The following LIMK2 variants were observed in gnomAD, a reference collection of about 807,000 sequenced individuals.
LIMK2 encodes LIM domain kinase 2.
A neutral mutation model predicts 75.7 loss-of-function variants in LIMK2; 35 were observed. The ratio of observed to expected loss-of-function variants is 0.46; its 90% CI spans 0.35 to 0.61. The LOEUF is 0.61. LIMK2 is among the 20% of genes least tolerant of loss of function. LIMK2 has a pLI of 0.00. For synonymous variants in LIMK2, 301 were observed against 319.2 expected (o/e 0.94, Z 0.61); for missense variants, 623 against 831.0 (o/e 0.75, Z 3.08).
chr22:31,257,359 C>T (rs930601753), intron 2 of LIMK2, among the ~76,000 whole-genome samples: 2 of 151,858 alleles, frequency 1.3e-5, no homozygotes, highest in African/African-American at 4.8e-5. Context: ...AATGTTATGC[C>T]ACTTTGTATA....
intron 4 of LIMK2, 138 bp from the exon 5 acceptor site, chr22:31,259,751 C>T: frequency 1.4e-6 from 1 of 712,452 alleles, no homozygotes; most frequent in Non-Finnish European, 2.1e-6. Flanking sequence ...TCATTCTGAG[C>T]AGCCAGCTAG....
Position 31,259,971 on chromosome 22 carries a change from T to G in LIMK2, c.445T>G (p.Ser149Ala). Reference protein sequence around the residue: ...TESVQEQLPYSVTLISMPATT... With the variant: ...TESVQEQLPYAVTLISMPATT... ...GTCTGTTCAGGAGCAGCTGCCCTAC[T>G]CTGTCACGCTCATCTCCATGCCGGC... The change falls in exon 5 of 16, where the codon TCT becomes GCT. Residue 149 changes from serine to alanine, a missense_variant. Ser to Ala is a moderately conservative substitution (Grantham distance 99). Coordinates refer to ENST00000331728, the MANE Select transcript of LIMK2 (RefSeq NM_005569.4). The G allele has an allele frequency of 6.2e-7, 1 of 1,611,752 alleles. No homozygotes were observed.
intron 7 of LIMK2, among the ~76,000 whole-genome samples, chr22:31,264,511 C>T (rs921962432): frequency 1.3e-5 from 2 of 152,204 alleles, no homozygotes; most frequent in Admixed American, 6.5e-5. Context: ...TGACTATTAT[C>T]GACCGCTTTT....
At chr22:31,274,592 G>A (rs1020581294) in intron 14 of LIMK2, among the ~76,000 whole-genome samples, 2 of 152,096 alleles carry the variant, frequency 1.3e-5, no homozygotes, top group East Asian at 1.9e-4. Flanking sequence ...GTAGAGACAG[G>A]GTTTCGCCAT....
intron 15 of LIMK2, chr22:31,277,560 A>C (rs2049044143): frequency 2.0e-6 from 2 of 996,188 alleles, no homozygotes; most frequent in African/African-American, 1.7e-5. Context: ...GAAATTGTGA[A>C]GCTACACAGT....
chr22:31,259,150 G>A lies in LIMK2; in HGVS notation c.282G>A (p.Glu94=). 6.2e-7 allele frequency: 1 copy of A among 1,613,780 alleles called. No homozygotes were observed. Among genetic ancestry groups the A allele is most frequent in the Non-Finnish European group, 8.5e-7 (1 of 1,179,722 alleles). The change falls in exon 4 of 16, where the codon GAG becomes GAA. Residue 94 remains glutamate, a synonymous_variant. Coordinates refer to ENST00000331728, the MANE Select transcript of LIMK2 (RefSeq NM_005569.4). The part of the protein sequence containing the change: ...MVAGEFKYHP[E]CFACMSCKVI... The stretch of plus-strand genomic sequence containing the variant: ...CTGGGGAGTTCAAGTACCACCCAGA[G>A]TGCTTTGCCTGTATGAGCTGCAAGG...
chr22:31,212,345 A>T lies in LIMK2; in HGVS notation c.-64A>T. ...GGCGGCAGGAGCTGAGGGGAGTTGT[A>T]GGGAACTGAGGGGAGCTGCTGTGTC... On this transcript the variant is annotated 5_prime_UTR_variant, in exon 1 of 16. Transcript: ENST00000331728. 2 of 1,315,858 alleles carry T rather than the reference A, an allele frequency of 1.5e-6. No homozygotes were observed. The highest frequency in any genetic ancestry group is 2.0e-6 in the Non-Finnish European group (2 of 1,022,996). The allele number at this position is 1,315,858 out of a possible 1,614,324, so 81.5% of individuals were successfully genotyped here.
At chr22:31,247,071 A>G (rs904108165) in intron 2 of LIMK2, among the ~76,000 whole-genome samples, 1 of 152,158 alleles carries the variant, frequency 6.6e-6, no homozygotes, top group Non-Finnish European at 1.5e-5. Context: ...AACCCCATCT[A>G]CCATCTTTAT....
chr22:31,215,208 C>T lies in LIMK2; in HGVS notation c.16+2784C>T, dbSNP rs139245092. Among the ~76,000 whole-genome samples, 835 of 152,284 alleles carry T rather than the reference C, an allele frequency of 5.5e-3. 10 individuals are homozygous for T. The highest frequency in any genetic ancestry group is 0.019 in the African/African-American group (802 of 41,552). On this transcript the variant is annotated intron_variant, in intron 1 of 15. Transcript: ENST00000331728. ...TTTTCCAACTTCAAGTTTAGTGCTT[C>T]CTCCTCTCTGTAGCACAAAAAGCAG...
At chr22:31,219,125 T>C (rs2048412478) in intron 1 of LIMK2, among the ~76,000 whole-genome samples, 3 of 152,212 alleles carry the variant, frequency 2.0e-5, no homozygotes, top group Admixed American at 6.5e-5. Context: ...TGAGGCTGCA[T>C]AGGGTATTAA....
chr22:31,260,047 C>T lies in LIMK2; in HGVS notation c.521C>T (p.Ser174Phe), dbSNP rs1011743787. Residue 174 changes from serine (S) to phenylalanine (F), a missense_variant, in exon 5 of 16, where the codon TCC becomes TTC. Physicochemically the swap from Ser to Phe is radical, Grantham distance 155. Around this residue, in one of 3 missense-constraint regions of LIMK2, gnomAD observed 514 missense variants for 661.3 expected, o/e 0.78. Coordinates refer to ENST00000331728, the MANE Select transcript of LIMK2 (RefSeq NM_005569.4). Reference protein sequence around the residue: ...GFSVSVESACSNYATTVQVKE... With the variant: ...GFSVSVESACFNYATTVQVKE... ...TCCGTGTCCGTGGAGAGTGCCTGCT[C>T]CAACTACGCCACCACTGTGCAAGTG... 1 of 1,598,362 alleles carries T rather than the reference C, an allele frequency of 6.3e-7. No individual in the cohort carries two copies. Among genetic ancestry groups the T allele is most frequent in the African/African-American group, 1.4e-5 (1 of 74,042 alleles).
intron 2 of LIMK2, among the ~76,000 whole-genome samples, chr22:31,253,419 C>T (rs2048745419): frequency 6.6e-6 from 1 of 152,156 alleles, no homozygotes; most frequent in African/African-American, 2.4e-5. Flanking sequence ...GTTCTGGGTT[C>T]TTTGTTTAAA....
rs751350349 is a variant in LIMK2 at position 31,262,190 on chromosome 22, G to A, written c.608G>A (p.Arg203His). 37 of 1,613,984 alleles carry A rather than the reference G, an allele frequency of 2.3e-5. No homozygotes were observed. Among genetic ancestry groups the A allele is most frequent in the East Asian group, 4.5e-5 (2 of 44,886 alleles). Residue 203 changes from arginine to histidine, a missense_variant, in exon 6 of 16, where the codon CGC becomes CAC. By Grantham distance (29) the Arg-to-His change is conservative. Around this residue, in one of 3 missense-constraint regions of LIMK2, gnomAD observed 514 missense variants for 661.3 expected, o/e 0.78. Transcript: ENST00000331728. The surrounding 1 kb of genome is among the most constrained non-coding windows in gnomAD (Gnocchi z 5.0). ...NNRNAIHPGD[R>H]ILEINGTPVR... The stretch of plus-strand genomic sequence containing the variant: ...CGAAACGCCATCCACCCTGGGGACC[G>A]CATCCTGGAGATCAATGGGACCCCC...
rs552370266 is a variant in LIMK2, at chr22:31,264,916, G to A, written c.855-1030G>A. On this transcript the variant is annotated intron_variant, in intron 7 of 15. Coordinates refer to ENST00000331728, the MANE Select transcript of LIMK2 (RefSeq NM_005569.4). ...TACTAAAAATACAAAAATTAGGGCC[G>A]GGTGTGGTGGCTCACGCCTGTAATC... Among the ~76,000 whole-genome samples, 563 of 148,614 alleles carry A rather than the reference G, an allele frequency of 3.8e-3. 5 individuals carry two copies. Among genetic ancestry groups the A allele is most frequent in the African/African-American group, 0.013 (511 of 40,314 alleles).
In LIMK2 at chr22:31,262,189, C is replaced by T. The variant is rs200312431; in HGVS notation, c.607C>T (p.Arg203Cys). 5.9e-5 allele frequency: 96 copies of T among 1,614,028 alleles called. 3 individuals are homozygous for T. The South Asian group carries it at 7.4e-4, about 12-fold the overall frequency. ...TCGAAACGCCATCCACCCTGGGGAC[C>T]GCATCCTGGAGATCAATGGGACCCC... Reference protein sequence around the residue: ...NNRNAIHPGDRILEINGTPVR... With the variant: ...NNRNAIHPGDCILEINGTPVR... The change falls in exon 6 of 16, where the codon CGC becomes TGC. Residue 203 changes from arginine to cysteine, a missense_variant. Coordinates refer to ENST00000331728, the MANE Select transcript of LIMK2 (RefSeq NM_005569.4). The surrounding 1 kb of genome is among the most constrained non-coding windows in gnomAD (Gnocchi z 5.0).
At chr22:31,248,503 G>T (rs1193747374) in intron 2 of LIMK2, 1 of 1,550,214 alleles carries the variant, frequency 6.5e-7, no homozygotes, top group Non-Finnish European at 8.7e-7. Flanking sequence ...AGCCATCCCA[G>T]CCATGAGCCC....
chr22:31,227,646 G>T (rs550570881), intron 2 of LIMK2, among the ~76,000 whole-genome samples: 6 of 152,310 alleles, frequency 3.9e-5, no homozygotes, highest in Non-Finnish European at 7.3e-5. Flanking sequence ...CCTTTGGCTG[G>T]TCCTTTCATT....
intron 15 of LIMK2, 142 bp downstream of exon 15, chr22:31,275,450 T>G (rs2049003970): frequency 1.4e-6 from 1 of 731,356 alleles, no homozygotes; most frequent in Admixed American, 2.7e-5. Context: ...CTGAGCCATC[T>G]GACAACACAT....
chr22:31,222,693 G>A (rs906369241), intron 1 of LIMK2: 7 of 152,052 alleles, frequency 4.6e-5, no homozygotes, highest in Non-Finnish European at 1.0e-4. Flanking sequence ...GTAGCTAGAG[G>A]AGAAAAGGAT....
Sources: gnomAD v4.1 joint callset for allele counts (sites outside exome capture counted in the v4.1 genomes callset) on GRCh38, gnomAD v4.1.1 for gene constraint, gnomAD v4.1.1 regional missense constraint, Gnocchi (gnomAD v3.1) non-coding constraint, MANE v1.5 for transcripts, NCBI Gene and HGNC (gene_info 2026-07-23, HGNC 2026-07-21) for gene names.